NTRK3: variants seen among roughly 807,000 people sequenced by gnomAD.
NTRK3 encodes neurotrophic receptor tyrosine kinase 3, also known as NT-3 growth factor receptor.
Under a neutral mutation model 91.7 loss-of-function variants are expected in NTRK3, and 24 were observed. That is an observed-to-expected ratio of 0.26 (90% CI 0.19 to 0.37). NTRK3 has a LOEUF of 0.37. Among genes scored for constraint, NTRK3 ranks in the 10% least tolerant of loss-of-function variants. The pLI, the probability that NTRK3 is intolerant of heterozygous loss-of-function variation, is 1.00. For missense variants in NTRK3, 880 were observed against 1,068.9 expected (o/e 0.82, Z 2.46); for synonymous variants, 483 against 404.0 (o/e 1.20, Z -2.34).
At chr15:87,979,394 T>A (rs150389095) in intron 14 of NTRK3, 5 of 1,613,702 alleles carry the variant, frequency 3.1e-6, no homozygotes, top group Non-Finnish European at 3.4e-6. Context: ...ATCCTCAACA[T>A]AGATGCCATG....
At chr15:87,998,051 T>A (rs1303595442) in intron 14 of NTRK3, among the ~76,000 whole-genome samples, 1 of 152,214 alleles carries the variant, frequency 6.6e-6, no homozygotes, top group African/African-American at 2.4e-5. Flanking sequence ...TTGGACCAGA[T>A]AATTCTTGGT....
chr15:87,916,560 C>A (rs1474351264), intron 17 of NTRK3: 1 of 702,192 alleles, frequency 1.4e-6, no homozygotes, highest in South Asian at 1.5e-5. Flanking sequence ...GCCTGCACAA[C>A]CTTCAATGAG....
At chr15:87,938,609 C>A (rs1030976674) in intron 15 of NTRK3, among the ~76,000 whole-genome samples, 2 of 152,196 alleles carry the variant, frequency 1.3e-5, no homozygotes, top group African/African-American at 4.8e-5. Context: ...CTGGGTACTG[C>A]CCCTTAATGC....
At chr15:88,079,542 T>C (rs1021825739) in intron 13 of NTRK3, among the ~76,000 whole-genome samples, 3 of 152,218 alleles carry the variant, frequency 2.0e-5, no homozygotes, top group Admixed American at 2.0e-4. Context: ...GAGAGCAGAC[T>C]TGAGCATACA....
exon 19 of NTRK3, chr15:87,861,218 T>C (rs1213697258): frequency 2.7e-5 from 6 of 218,676 alleles, no homozygotes; most frequent in Non-Finnish European, 5.5e-5. Context: ...ATATACTTAG[T>C]ACAGAAGCTT....
At chr15:87,923,545 A>C (rs151142199) in intron 17 of NTRK3, among the ~76,000 whole-genome samples, 1 of 152,326 alleles carries the variant, frequency 6.6e-6, no homozygotes, top group Admixed American at 6.5e-5. Context: ...ATGAGCTTCT[A>C]TTTGTGTTGG....
At chr15:88,145,719 G>C (rs75350406) in intron 6 of NTRK3, among the ~76,000 whole-genome samples, 1,924 of 152,286 alleles carry the variant, frequency 0.013, 28 homozygotes, top group African/African-American at 0.044. Context: ...CCCCTGGAGA[G>C]ATGCCATCCC....
intron 3 of NTRK3, among the ~76,000 whole-genome samples, chr15:88,192,420 AC>A (rs1372650939): frequency 6.6e-6 from 1 of 151,962 alleles, no homozygotes; most frequent in African/African-American, 2.4e-5. Flanking sequence ...CAGGATGGCA[AC>A]CCCAGCTTGC....
rs147340253 is a variant in NTRK3 at position 87,914,534 on chromosome 15, A to G, written c.2133+14657T>C. The stretch of plus-strand genomic sequence containing the variant: ...TCCCATTACAAACATCTAATATAGT[A>G]TTATGTATTTTTTAATTAAGTAACT... On this transcript the variant is annotated intron_variant, in intron 17 of 18. Transcript: ENST00000394480. Among the ~76,000 whole-genome samples the G allele has an allele frequency of 5.3e-4, 81 of 152,344 alleles. 2 individuals are homozygous for G. The East Asian group carries it at 0.012, about 23-fold the overall frequency.
chr15:88,131,078 T>A (rs2041287260), intron 10 of NTRK3, among the ~76,000 whole-genome samples: 1 of 152,224 alleles, frequency 6.6e-6, no homozygotes, highest in African/African-American at 2.4e-5. Context: ...AAACACAGAT[T>A]ACTAGTCCTC....
chr15:88,089,230 C>A (rs2048787426), intron 13 of NTRK3, among the ~76,000 whole-genome samples: 1 of 152,144 alleles, frequency 6.6e-6, no homozygotes, highest in Admixed American at 6.5e-5. Flanking sequence ...TGGCTTTGTG[C>A]CTGGAGGCCA....
chr15:88,116,456 G>C (rs1388679466), intron 13 of NTRK3, among the ~76,000 whole-genome samples: 2 of 151,946 alleles, frequency 1.3e-5, no homozygotes, highest in African/African-American at 2.4e-5. Flanking sequence ...AAAAAATGGT[G>C]GTTATAGTTT....
chr15:88,128,782 G>A, intron 10 of NTRK3, 48 bp from the exon 11 acceptor site: 1 of 1,533,384 alleles, frequency 6.5e-7, no homozygotes, highest in Non-Finnish European at 9.0e-7. Flanking sequence ...ATAAAAACCA[G>A]AACAGACACA....
chr15:88,187,556 T>C (rs1324812764), intron 3 of NTRK3, among the ~76,000 whole-genome samples: 2 of 152,220 alleles, frequency 1.3e-5, no homozygotes, highest in African/African-American at 4.8e-5. Flanking sequence ...CCTTTGTCAA[T>C]GGTGAGTATC....
At chr15:88,074,510 T>A (rs1345887984) in intron 13 of NTRK3, among the ~76,000 whole-genome samples, 2 of 152,252 alleles carry the variant, frequency 1.3e-5, no homozygotes, top group African/African-American at 4.8e-5. Flanking sequence ...GACATCAGGC[T>A]GATCCTGTCC....
At chr15:87,951,516 G>T (rs562368903) in intron 14 of NTRK3, among the ~76,000 whole-genome samples, 11 of 152,304 alleles carry the variant, frequency 7.2e-5, no homozygotes, top group Admixed American at 6.5e-4. Context: ...GGTTCCAGAA[G>T]AAAAGCTTGC....
chr15:88,092,548 C>A (rs747035962), intron 13 of NTRK3, among the ~76,000 whole-genome samples: 4 of 152,166 alleles, frequency 2.6e-5, no homozygotes, highest in Non-Finnish European at 5.9e-5. Context: ...GAGGTTTGTC[C>A]CAATAGTATG....
At chr15:88,104,224 T>C (rs1011903515) in intron 13 of NTRK3, among the ~76,000 whole-genome samples, 1 of 152,226 alleles carries the variant, frequency 6.6e-6, no homozygotes, top group Non-Finnish European at 1.5e-5. Context: ...AGATGACGAC[T>C]TTTCACTGCA....
intron 6 of NTRK3, among the ~76,000 whole-genome samples, chr15:88,146,339 T>C (rs1256636102): frequency 6.6e-6 from 1 of 152,134 alleles, no homozygotes; most frequent in East Asian, 1.9e-4. Flanking sequence ...GCCAACAGCA[T>C]AGGCAGAGGT....
Sources: gnomAD v4.1 joint callset for allele counts (sites outside exome capture counted in the v4.1 genomes callset) on GRCh38, gnomAD v4.1.1 for gene constraint, MANE v1.5 for transcripts, NCBI Gene and HGNC (gene_info 2026-07-23, HGNC 2026-07-21) for gene names.